The following MTRR variants were observed in gnomAD, a reference collection of about 807,000 sequenced individuals.
MTRR encodes the protein 5-methyltetrahydrofolate-homocysteine methyltransferase reductase, also known as methionine synthase reductase.
Under a neutral mutation model 79.2 loss-of-function variants are expected in MTRR, and 63 were observed. The ratio of observed to expected loss-of-function variants is 0.80; its 90% CI spans 0.65 to 0.98. MTRR has a LOEUF of 0.98. Among genes scored for constraint, MTRR ranks in the 50% least tolerant of loss-of-function variants. The pLI is 0.00. For missense variants in MTRR, 895 were observed against 839.6 expected (o/e 1.07, Z -0.82); for synonymous variants, 355 against 313.3 (o/e 1.13, Z -1.41).
chr5:7,866,018 T>A, upstream of MTRR: 1 of 1,488,832 alleles, frequency 6.7e-7, no homozygotes, highest in Non-Finnish European at 9.3e-7. Context: ...TAGTTACGTC[T>A]GAATTGAGGT....
Position 7,900,470 on chromosome 5 carries a change from TTTA to T in MTRR, c.*415_*417del. The T allele has an allele frequency of 4.7e-6, 1 of 212,704 alleles. No individual in the cohort carries two copies. Among genetic ancestry groups the T allele is most frequent in the Non-Finnish European group, 9.6e-6 (1 of 104,448 alleles). The allele number at this position is 212,704 out of a possible 1,614,324, so 13.2% of individuals were successfully genotyped here. ...AACATTTAAAAAAGTATGAAAATGATTTATTTTTATATGATGTATACCCATAAA... is the reference window on the plus strand; with the variant it reads ...AACATTTAAAAAAGTATGAAAATGATTTTTTATATGATGTATACCCATAAA... On this transcript the variant is annotated 3_prime_UTR_variant, in exon 15 of 15. Coordinates refer to ENST00000440940, the MANE Select transcript of MTRR (RefSeq NM_002454.3).
In MTRR at chr5:7,886,662, A is replaced by G. The variant is rs765844770; in HGVS notation, c.1105A>G (p.Ile369Val). Residue 369 changes from isoleucine to valine, a missense_variant, in exon 8 of 15, where the codon ATT becomes GTT. Ile to Val is a conservative substitution (Grantham distance 29). Transcript: ENST00000440940. ...ACCTGCGGGATGTTCTCTCCAGTTC[A>G]TTTTTACCTGGTGTCTTGAAATCCG... is the stretch of plus-strand genomic sequence containing the variant. ...HIPAGCSLQF[I>V]FTWCLEIRAI... is the part of the protein sequence containing the mutation. 1 of 1,613,936 alleles carries G rather than the reference A, an allele frequency of 6.2e-7. No individual in the cohort carries two copies. Among genetic ancestry groups the G allele is most frequent in the Non-Finnish European group, 8.5e-7 (1 of 1,179,898 alleles).
At position 7,897,132 on chromosome 5, in the gene MTRR, G is replaced by T; in HGVS notation, c.1837G>T (p.Ala613Ser). 2 of 1,614,152 alleles carry T rather than the reference G, an allele frequency of 1.2e-6. No homozygotes were observed. Among genetic ancestry groups the T allele is most frequent in the Non-Finnish European group, 1.7e-6 (2 of 1,180,036 alleles). The change falls in exon 14 of 15, where the codon GCT becomes TCT. Residue 613 changes from alanine to serine, a missense_variant. Transcript: ENST00000440940. ...THLKVSFSRDAPVGEEEAPAK... is the reference protein window; with the variant it reads ...THLKVSFSRDSPVGEEEAPAK... ...TCTAAAGGTTTCCTTCTCAAGAGAT[G>T]CTCCTGTTGGGGAGGAGGAAGCCCC... is the stretch of plus-strand genomic sequence containing the variant.
chr5:7,859,828 A>G, intron 1 of MTRR, among the ~76,000 whole-genome samples: 1 of 152,260 alleles, frequency 6.6e-6, no homozygotes. Flanking sequence ...GTGGCAAGTT[A>G]AATTACACAA....
At chr5:7,885,259 G>A (rs1454158138) in intron 6 of MTRR, 1 of 189,486 alleles carries the variant, frequency 5.3e-6, no homozygotes, top group Admixed American at 5.5e-5. Flanking sequence ...AAAGAGTAAA[G>A]TAAGGAGAAG....
chr5:7,887,110 A>AT (rs1392302217), intron 8 of MTRR, among the ~76,000 whole-genome samples: 2 of 152,150 alleles, frequency 1.3e-5, no homozygotes, highest in Non-Finnish European at 2.9e-5. Flanking sequence ...AGAGCGTAGG[A>AT]TTCCCCCCAA....
In MTRR at chr5:7,892,789, C is replaced by T. The variant is rs1358640424; in HGVS notation, c.1433C>T (p.Thr478Ile). The change falls in exon 11 of 15, where the codon ACT becomes ATT. Residue 478 changes from threonine to isoleucine, a missense_variant. Transcript: ENST00000440940. ...FVFNIVEFLSTATTEVLRKGV... is the reference protein window; with the variant it reads ...FVFNIVEFLSIATTEVLRKGV... ...TTCAACATTGTGGAATTTCTGTCTA[C>T]TGCCACAACAGAGGTTCTGCGGAAG... The T allele has an allele frequency of 6.2e-7, 1 of 1,614,220 alleles. No individual in the cohort carries two copies. The highest frequency in any genetic ancestry group is 8.5e-7 in the Non-Finnish European group (1 of 1,180,036).
chr5:7,878,235 G>A lies in MTRR; in HGVS notation c.693G>A (p.Ser231=), dbSNP rs775348918. 9.3e-6 allele frequency: 15 copies of A among 1,614,002 alleles called. 1 individual carries two copies. In the African/African-American group the frequency reaches 9.3e-5, roughly 10 times the overall value. The change falls in exon 5 of 15, where the codon TCG becomes TCA. Residue 231 remains serine, a synonymous_variant. Coordinates refer to ENST00000440940, the MANE Select transcript of MTRR (RefSeq NM_002454.3). The stretch of plus-strand genomic sequence containing the variant: ...ACTTTGAGTCCTCACTTACCCGTTC[G>A]GTACCCCCACTCTCACAAGCCTCTC... The part of the protein sequence containing the change: ...IEDFESSLTR[S]VPPLSQASLN...
intron 5 of MTRR, among the ~76,000 whole-genome samples, chr5:7,881,836 C>G (rs542928450): frequency 3.3e-5 from 5 of 152,244 alleles, no homozygotes; most frequent in Admixed American, 2.6e-4. Context: ...CTCTCTAGTT[C>G]TCAAGCACCT....
chr5:7,869,532 G>T, intron 1 of MTRR: 1 of 341,072 alleles, frequency 2.9e-6, no homozygotes, highest in Non-Finnish European at 5.6e-6. Context: ...AACCGCACTC[G>T]GGGACGCGGG....
upstream of MTRR, among the ~76,000 whole-genome samples, chr5:7,865,159 A>T (rs13354282): frequency 4.0e-3 from 615 of 152,296 alleles, 8 homozygotes; most frequent in African/African-American, 0.014. Flanking sequence ...ATGTATCTGT[A>T]TACATTTGGG....
intron 1 of MTRR, among the ~76,000 whole-genome samples, chr5:7,858,102 AT>A (rs1441058664): frequency 5.3e-5 from 8 of 152,198 alleles, no homozygotes; most frequent in Admixed American, 2.0e-4. Flanking sequence ...CGCACCAAAA[AT>A]TAGCTGAGTC....
chr5:7,858,727 C>T (rs1183881412), intron 1 of MTRR, among the ~76,000 whole-genome samples: 1 of 151,928 alleles, frequency 6.6e-6, no homozygotes, highest in African/African-American at 2.4e-5. Context: ...TCAAAAAATA[C>T]ACTCTGCTAC....
rs569658899 is a variant in MTRR at position 7,889,329 on chromosome 5, G to T, written c.1327+54G>T. The stretch of plus-strand genomic sequence containing the variant: ...GTGGCTGTTCGTGCACTGGTAGGCG[G>T]GCCACCTTTCTGTAGTAAAGAAAAT... On this transcript the variant is annotated intron_variant, in intron 9 of 14. Transcript: ENST00000440940. 6.6e-5 allele frequency: 106 copies of T among 1,604,510 alleles called. No individual in the cohort carries two copies. In the African/African-American group the frequency reaches 1.3e-3, roughly 20 times the overall value.
chr5:7,878,254 G>T lies in MTRR; in HGVS notation c.712G>T (p.Ala238Ser). 6.2e-7 allele frequency: 1 copy of T among 1,614,194 alleles called. No individual in the cohort carries two copies. The highest frequency in any genetic ancestry group is 1.1e-5 in the South Asian group (1 of 91,080). ...LTRSVPPLSQ[A>S]SLNIPGLPPE... ...CCGTTCGGTACCCCCACTCTCACAA[G>T]CCTCTCTGAATATTCCTGGTTTACC... Residue 238 changes from alanine to serine, a missense_variant, in exon 5 of 15, where the codon GCC becomes TCC. By Grantham distance (99) the Ala-to-Ser change is moderately conservative. Transcript: ENST00000440940.
intron 1 of MTRR, chr5:7,861,061 C>T: frequency 1.3e-6 from 1 of 768,148 alleles, no homozygotes; most frequent in Non-Finnish European, 2.2e-6. Flanking sequence ...TTTACTGTGC[C>T]TCAGATTACT....
intron 3 of MTRR, 118 bp from the exon 4 acceptor site, chr5:7,875,140 T>A (rs893656430): frequency 1.3e-6 from 1 of 783,266 alleles, no homozygotes; most frequent in African/African-American, 1.7e-5. Flanking sequence ...AAGCTCTGCA[T>A]TATTACTCCA....
At chr5:7,896,372 T>A (rs1412129203) in intron 12 of MTRR, 1 of 192,706 alleles carries the variant, frequency 5.2e-6, no homozygotes, top group Non-Finnish European at 1.1e-5. Flanking sequence ...TAGATACTAT[T>A]TGTCAGATAG....
intron 10 of MTRR, among the ~76,000 whole-genome samples, chr5:7,891,669 A>G (rs1353870909): frequency 6.6e-6 from 1 of 152,020 alleles, no homozygotes; most frequent in Admixed American, 6.5e-5. Flanking sequence ...GCTCCTCCAC[A>G]TGCTTCCTGT....
Sources: gnomAD v4.1 joint callset for allele counts (sites outside exome capture counted in the v4.1 genomes callset) on GRCh38, gnomAD v4.1.1 for gene constraint, MANE v1.5 for transcripts, NCBI Gene and HGNC (gene_info 2026-07-23, HGNC 2026-07-21) for gene names.